Variants in MDN1 observed in about 807,000 individuals in gnomAD.
MDN1 encodes the protein midasin AAA ATPase 1.
A neutral mutation model predicts 669.2 loss-of-function variants in MDN1; 266 were observed. That is an observed-to-expected ratio of 0.40 (90% CI 0.36 to 0.44). MDN1 has a LOEUF of 0.44. Among genes scored for constraint, MDN1 ranks in the 20% least tolerant of loss-of-function variants. The pLI, the probability that MDN1 is intolerant of heterozygous loss-of-function variation, is 1.00. For missense variants in MDN1, 5,940 were observed against 6,754.0 expected (o/e 0.88, Z 4.22); for synonymous variants, 2,385 against 2,457.1 (o/e 0.97, Z 0.87).
At chr6:89,678,895 G>T in intron 74 of MDN1, 150 bp from the exon 75 acceptor site, 2 of 761,188 alleles carry the variant, frequency 2.6e-6, no homozygotes, top group Non-Finnish European at 3.9e-6. Context: ...ATAGTCCCTA[G>T]CATTTGGTAA....
At chr6:89,808,992 G>A in intron 1 of MDN1, among the ~76,000 whole-genome samples, 1 of 151,346 alleles carries the variant, frequency 6.6e-6, no homozygotes, top group East Asian at 2.0e-4. Flanking sequence ...CGAGGCAGGA[G>A]GATCACCTAA....
intron 79 of MDN1, among the ~76,000 whole-genome samples, chr6:89,673,858 T>A (rs781273969): frequency 3.9e-5 from 6 of 152,168 alleles, no homozygotes; most frequent in African/African-American, 7.2e-5. Context: ...GCTCTCCCTG[T>A]GGATTATTTA....
Position 89,643,873 on chromosome 6 carries a change from G to C in MDN1, c.*132C>G. The C allele has an allele frequency of 4.9e-6, 4 of 809,184 alleles. No individual in the cohort carries two copies. The highest frequency in any genetic ancestry group is 7.3e-6 in the Non-Finnish European group (4 of 546,556). The allele number at this position is 809,184 out of a possible 1,614,324, so 50.1% of individuals were successfully genotyped here. A position where few individuals can be genotyped will look rare whatever the true frequency, so the allele number is the denominator to read the frequency against. On this transcript the variant is annotated 3_prime_UTR_variant, in exon 102 of 102. Coordinates refer to ENST00000369393, the MANE Select transcript of MDN1 (RefSeq NM_014611.3). ...GCCGGGAGCCAGAGAGCATTCTGTA[G>C]GCTGTAAGATCACGTTGTAAAATAA...
At chr6:89,753,645 C>T in intron 21 of MDN1, 23 bp from the exon 22 acceptor site, 1 of 1,543,154 alleles carries the variant, frequency 6.5e-7, no homozygotes, top group Non-Finnish European at 9.0e-7. Flanking sequence ...GACAAATATG[C>T]ATAATGCTAA....
Position 89,686,887 on chromosome 6 carries a change from A to C in MDN1, c.11572+15T>G. On this transcript the variant is annotated intron_variant, in intron 69 of 101. Transcript: ENST00000369393. ...GAAGCTCTAAGTGGGCAGGAAATGT[A>C]CTGCTAGGCATTACCTTCCTGTTCT... is the stretch of plus-strand genomic sequence containing the variant. 1 of 1,613,254 alleles carries C rather than the reference A, an allele frequency of 6.2e-7. No individual in the cohort carries two copies. Among genetic ancestry groups the C allele is most frequent in the Non-Finnish European group, 8.5e-7 (1 of 1,179,688 alleles).
chr6:89,692,391 C>A, intron 63 of MDN1, 52 bp downstream of exon 63: 1 of 1,524,952 alleles, frequency 6.6e-7, no homozygotes, highest in East Asian at 2.3e-5. Context: ...CTGCTGTGAA[C>A]CTGGCTCTCT....
Position 89,701,658 on chromosome 6 carries a change from G to A in MDN1, c.8327C>T (p.Thr2776Ile), listed in dbSNP as rs1166237005. 2 of 1,613,848 alleles carry A rather than the reference G, an allele frequency of 1.2e-6. No homozygotes were observed. Among genetic ancestry groups the A allele is most frequent in the Non-Finnish European group, 1.7e-6 (2 of 1,179,874 alleles). The stretch of plus-strand genomic sequence containing the variant: ...ACAATTCTGAATATGTTCTGAGACA[G>A]TCTGAACTTCTTTGTAATATCTTTA... ...YEDKYYKEVQ[T>I]VSEHIQNCLG... The change falls in exon 55 of 102, where the codon ACT becomes ATT. Residue 2776 changes from threonine to isoleucine, a missense_variant. Coordinates refer to ENST00000369393, the MANE Select transcript of MDN1 (RefSeq NM_014611.3).
At chr6:89,644,912 G>T in intron 101 of MDN1, 103 bp downstream of exon 101, 1 of 1,225,804 alleles carries the variant, frequency 8.2e-7, no homozygotes, top group Non-Finnish European at 1.1e-6. Context: ...AATGCTGGGA[G>T]TTCTCAGTAT....
intron 90 of MDN1, among the ~76,000 whole-genome samples, chr6:89,657,358 A>G (rs1809392675): frequency 6.6e-6 from 1 of 152,188 alleles, no homozygotes; most frequent in African/African-American, 2.4e-5. Flanking sequence ...AAAGAGACTA[A>G]AGTTGTCCAG....
chr6:89,790,487 C>T, intron 5 of MDN1, 86 bp from the exon 6 acceptor site: 2 of 1,527,900 alleles, frequency 1.3e-6, no homozygotes, highest in East Asian at 2.2e-5. Flanking sequence ...CTTCTACTAA[C>T]CTTACACAAA....
At chr6:89,801,146 A>C (rs577975348) in intron 2 of MDN1, among the ~76,000 whole-genome samples, 1 of 152,356 alleles carries the variant, frequency 6.6e-6, no homozygotes, top group Non-Finnish European at 1.5e-5. Context: ...CTGTAATCCC[A>C]GCACTTTGGG....
At chr6:89,675,387 C>A in intron 78 of MDN1, 77 bp downstream of exon 78, 1 of 1,208,684 alleles carries the variant, frequency 8.3e-7, no homozygotes, top group East Asian at 2.4e-5. Context: ...TTCCTCTCCC[C>A]ACATGCAGCA....
At chr6:89,779,348 T>C (rs139170830) in intron 11 of MDN1, among the ~76,000 whole-genome samples, 25 of 152,300 alleles carry the variant, frequency 1.6e-4, no homozygotes, top group African/African-American at 5.8e-4. Context: ...TGGTCTTCTG[T>C]AATAATATCC....
chr6:89,743,150 C>G lies in MDN1; in HGVS notation c.4448G>C (p.Ser1483Thr), dbSNP rs2128317270. 1 of 1,613,914 alleles carries G rather than the reference C, an allele frequency of 6.2e-7. No individual in the cohort carries two copies. Among genetic ancestry groups the G allele is most frequent in the South Asian group, 1.1e-5 (1 of 91,044 alleles). The change falls in exon 31 of 102, where the codon AGT (serine) becomes ACT (threonine). Residue 1483 changes from serine to threonine, a missense_variant and splice_region_variant. Physicochemically the swap from Ser to Thr is moderately conservative, Grantham distance 58. Around this residue, in one of 5 missense-constraint regions of MDN1, gnomAD observed 2,292 missense variants for 2,638.3 expected, o/e 0.87. Transcript: ENST00000369393. ...CAAGGCAAACCTCTCAGGCACGTAC[C>G]TGTTGAGTCTTTCCAAGACAGAGTC... Reference protein sequence around the residue: ...ADDSVLERLNSVLEVEKSLVL... With the variant: ...ADDSVLERLNTVLEVEKSLVL...
At chr6:89,646,950 T>A (rs1808527397) in intron 99 of MDN1, among the ~76,000 whole-genome samples, 1 of 152,078 alleles carries the variant, frequency 6.6e-6, no homozygotes, top group Non-Finnish European at 1.5e-5. Context: ...CACACCTGGA[T>A]AATTATTTTT....
intron 8 of MDN1, 139 bp downstream of exon 8, chr6:89,787,712 GAGA>G (rs1819040229): frequency 1.8e-6 from 1 of 556,974 alleles, no homozygotes; most frequent in African/African-American, 1.9e-5. Context: ...AATCAGGAAT[GAGA>G]AGGTTAGACC....
intron 53 of MDN1, among the ~76,000 whole-genome samples, chr6:89,704,389 A>T (rs1405288019): frequency 6.6e-6 from 1 of 152,234 alleles, no homozygotes; most frequent in Non-Finnish European, 1.5e-5. Flanking sequence ...CTCAAAAAAA[A>T]TTCTGGAAAA....
At chr6:89,670,432 C>T (rs896888973) in intron 83 of MDN1, among the ~76,000 whole-genome samples, 2 of 151,846 alleles carry the variant, frequency 1.3e-5, no homozygotes, top group Non-Finnish European at 2.9e-5. Flanking sequence ...CCCGCCTCAG[C>T]CTCCCAAACT....
At chr6:89,665,706 CAAAAAAAAAAA>C (rs61352567) in intron 84 of MDN1, among the ~76,000 whole-genome samples, 1,366 of 126,262 alleles carry the variant, frequency 0.011, 21 homozygotes, top group African/African-American at 0.036. Context: ...GACTCCGTTT[CAAAAAAAAAAA>C]AAAAAAAAAA....
Sources: gnomAD v4.1 joint callset for allele counts (sites outside exome capture counted in the v4.1 genomes callset) on GRCh38, gnomAD v4.1.1 for gene constraint, gnomAD v4.1.1 regional missense constraint, MANE v1.5 for transcripts, NCBI Gene and HGNC (gene_info 2026-07-23, HGNC 2026-07-21) for gene names.